The following TAOK1 variants were observed in gnomAD, a reference collection of about 807,000 sequenced individuals.
The protein encoded by TAOK1 is TAO kinase 1.
TAOK1 carries 21 observed loss-of-function variants against 138.3 expected under a neutral mutation model. The ratio of observed to expected loss-of-function variants is 0.15; its 90% CI spans 0.11 to 0.22. The LOEUF (loss-of-function observed/expected upper bound fraction) is 0.22. TAOK1 is among the 10% of genes least tolerant of loss of function. The pLI is 1.00. For missense variants in TAOK1, 651 were observed against 1,227.7 expected (o/e 0.53, Z 7.02); for synonymous variants, 361 against 398.4 (o/e 0.91, Z 1.12).
chr17:29,422,265 G>A lies in TAOK1; in HGVS notation c.-94-29190G>A, dbSNP rs188832081. Among the ~76,000 whole-genome samples, 281 of 150,458 alleles carry A rather than the reference G, an allele frequency of 1.9e-3. 1 individual carries two copies. Among genetic ancestry groups the A allele is most frequent in the Non-Finnish European group, 3.2e-3 (217 of 67,754 alleles). ...GTCGCCCAGGCTGGAGTGCAGTGGCGCAGTCTCGGCTCGCTGCCATCCCCA... is the reference window on the plus strand; with the variant it reads ...GTCGCCCAGGCTGGAGTGCAGTGGCACAGTCTCGGCTCGCTGCCATCCCCA... On this transcript the variant is annotated intron_variant, in intron 1 of 19. Coordinates refer to ENST00000261716, the MANE Select transcript of TAOK1 (RefSeq NM_020791.4).
chr17:29,449,745 G>A (rs1231191769), intron 1 of TAOK1, among the ~76,000 whole-genome samples: 1 of 152,164 alleles, frequency 6.6e-6, no homozygotes, highest in Non-Finnish European at 1.5e-5. Flanking sequence ...GGAGGCTGAG[G>A]CAGGAGAATT....
chr17:29,429,239 A>G (rs1905748015), intron 1 of TAOK1, among the ~76,000 whole-genome samples: 1 of 152,142 alleles, frequency 6.6e-6, no homozygotes, highest in African/African-American at 2.4e-5. Context: ...GAAAAAGTGC[A>G]AAGAAGATAG....
chr17:29,401,134 C>G (rs1904827630), intron 1 of TAOK1, among the ~76,000 whole-genome samples: 1 of 151,992 alleles, frequency 6.6e-6, no homozygotes, highest in South Asian at 2.1e-4. Flanking sequence ...AGGATGGTCT[C>G]AAATTCCTGA....
intron 1 of TAOK1, among the ~76,000 whole-genome samples, chr17:29,397,647 T>TAC (rs1904669512): frequency 1.6e-5 from 1 of 61,566 alleles, no homozygotes; most frequent in Non-Finnish European, 3.0e-5. Context: ...TACATGTATA[T>TAC]ATGTATATTC....
intron 3 of TAOK1, among the ~76,000 whole-genome samples, chr17:29,472,573 C>CTTTT (rs34588170): frequency 9.0e-5 from 10 of 111,726 alleles, no homozygotes; most frequent in Admixed American, 9.5e-5. Flanking sequence ...TTCTTTCTTT[C>CTTTT]TTTTTTTTTT....
At chr17:29,392,920 G>A (rs1014616027) in intron 1 of TAOK1, among the ~76,000 whole-genome samples, 1 of 152,172 alleles carries the variant, frequency 6.6e-6, no homozygotes, top group African/African-American at 2.4e-5. Context: ...AGTAGCGCTA[G>A]GCACTAACTT....
At chr17:29,410,524 A>G (rs1000068118) in intron 1 of TAOK1, among the ~76,000 whole-genome samples, 2 of 151,688 alleles carry the variant, frequency 1.3e-5, no homozygotes, top group Non-Finnish European at 2.9e-5. Flanking sequence ...AAGTGCTGGG[A>G]TAACAGGCGC....
chr17:29,500,827 T>C (rs769499885), intron 12 of TAOK1, among the ~76,000 whole-genome samples: 5 of 151,966 alleles, frequency 3.3e-5, no homozygotes, highest in Non-Finnish European at 5.9e-5. Context: ...TGCTGCCATA[T>C]GGTTGAATCT....
intron 1 of TAOK1, among the ~76,000 whole-genome samples, chr17:29,391,545 G>A (rs1012971948): frequency 6.6e-6 from 1 of 152,204 alleles, no homozygotes; most frequent in African/African-American, 2.4e-5. Flanking sequence ...TGCTGCAGAA[G>A]TCCAAGGCAG....
At chr17:29,487,961 C>T (rs1334338851) in intron 8 of TAOK1, among the ~76,000 whole-genome samples, 10 of 152,068 alleles carry the variant, frequency 6.6e-5, no homozygotes, top group Admixed American at 2.6e-4. Flanking sequence ...AATCATGTGC[C>T]GCCTCATAGG....
At chr17:29,522,610 A>G in intron 17 of TAOK1, 91 bp downstream of exon 17, 1 of 1,510,442 alleles carries the variant, frequency 6.6e-7, no homozygotes, top group Non-Finnish European at 8.9e-7. Flanking sequence ...GTCTAGTCAT[A>G]AAGAAATTGA....
At chr17:29,494,825 C>CAAAAAAAA (rs368548444) in intron 10 of TAOK1, among the ~76,000 whole-genome samples, 5 of 48,300 alleles carry the variant, frequency 1.0e-4, no homozygotes, top group Admixed American at 2.1e-4. Context: ...GACTCCGTCT[C>CAAAAAAAA]AAAAAAAAAA....
At chr17:29,451,412 C>A in intron 1 of TAOK1, 43 bp from the exon 2 acceptor site, 2 of 932,356 alleles carry the variant, frequency 2.1e-6, no homozygotes, top group Non-Finnish European at 3.1e-6. Flanking sequence ...TTATTCTTAG[C>A]AGTTTTTGCC....
chr17:29,439,730 A>G (rs1424833107), intron 1 of TAOK1, among the ~76,000 whole-genome samples: 1 of 151,934 alleles, frequency 6.6e-6, no homozygotes, highest in East Asian at 1.9e-4. Flanking sequence ...TAGATATCTA[A>G]ATAGTCCATA....
intron 4 of TAOK1, 81 bp from the exon 5 acceptor site, chr17:29,477,580 T>G: frequency 2.6e-6 from 2 of 760,596 alleles, no homozygotes; most frequent in Non-Finnish European, 3.6e-6. Context: ...CTTGATCTAC[T>G]GTGTGAACTT....
chr17:29,520,429 A>AT lies in TAOK1; in HGVS notation c.1909-1839dup, dbSNP rs908789184. ...ACATCGCAAGACCCTGTCTCTACAA[A>AT]TTTTTTTTTTTTGAGACTCTATTGC... On this transcript the variant is annotated intron_variant, in intron 16 of 19. Transcript: ENST00000261716. 9.2e-3 allele frequency among the ~76,000 whole-genome samples: 1,334 copies of AT among 145,442 alleles called. 11 individuals are homozygous for AT. Among genetic ancestry groups the AT allele is most frequent in the African/African-American group, 0.026 (1,045 of 39,938 alleles).
intron 1 of TAOK1, among the ~76,000 whole-genome samples, chr17:29,417,717 C>A (rs1905303296): frequency 6.6e-6 from 1 of 152,210 alleles, no homozygotes; most frequent in Non-Finnish European, 1.5e-5. Context: ...TGGGCTGTTT[C>A]AGGGGTTTCT....
chr17:29,472,646 T>C (rs1031282723), intron 3 of TAOK1, among the ~76,000 whole-genome samples: 5 of 149,662 alleles, frequency 3.3e-5, no homozygotes, highest in Non-Finnish European at 5.9e-5. Flanking sequence ...CTATCTCGGC[T>C]CACCGCAACC....
intron 16 of TAOK1, among the ~76,000 whole-genome samples, chr17:29,518,721 A>T (rs561189688): frequency 4.3e-5 from 6 of 140,086 alleles, no homozygotes; most frequent in South Asian, 2.2e-4. Flanking sequence ...TGAAAAATTT[A>T]AAATGTTGAT....
Sources: gnomAD v4.1 joint callset for allele counts (sites outside exome capture counted in the v4.1 genomes callset) on GRCh38, gnomAD v4.1.1 for gene constraint, MANE v1.5 for transcripts, NCBI Gene and HGNC (gene_info 2026-07-23, HGNC 2026-07-21) for gene names.